UIMC1: variants seen among roughly 807,000 people sequenced by gnomAD.
UIMC1 encodes the protein ubiquitin interaction motif containing 1, also known as BRCA1-A complex subunit RAP80.
Under a neutral mutation model 84.9 loss-of-function variants are expected in UIMC1, and 42 were observed. The ratio of observed to expected loss-of-function variants is 0.49; its 90% CI spans 0.39 to 0.64. UIMC1 has a LOEUF of 0.64. Ranked by LOEUF, UIMC1 falls within the 30% of genes least tolerant of loss-of-function variation. The pLI, the probability that UIMC1 is intolerant of heterozygous loss-of-function variation, is 0.00. For synonymous variants in UIMC1, 281 were observed against 293.0 expected (o/e 0.96, Z 0.42); for missense variants, 825 against 847.6 (o/e 0.97, Z 0.33).
intron 9 of UIMC1, among the ~76,000 whole-genome samples, chr5:176,945,820 C>T (rs1438085585): frequency 6.6e-6 from 1 of 152,164 alleles, no homozygotes; most frequent in Non-Finnish European, 1.5e-5. Context: ...TTGTTTGTAA[C>T]CAGCTTTTGT....
upstream of UIMC1, among the ~76,000 whole-genome samples, chr5:177,011,233 T>A (rs571712957): frequency 4.0e-5 from 6 of 150,948 alleles, no homozygotes; most frequent in African/African-American, 1.5e-4. Flanking sequence ...ACCACTACTG[T>A]GTAATTAAAA....
At chr5:176,977,129 A>C (rs1040445006) in intron 2 of UIMC1, among the ~76,000 whole-genome samples, 3 of 151,718 alleles carry the variant, frequency 2.0e-5, no homozygotes, top group Admixed American at 1.3e-4. Context: ...AGACTGAGGC[A>C]TGAGAATCAC....
At chr5:177,002,322 C>G (rs531374639) in intron 1 of UIMC1, among the ~76,000 whole-genome samples, 3 of 151,932 alleles carry the variant, frequency 2.0e-5, no homozygotes, top group Non-Finnish European at 4.4e-5. Flanking sequence ...AAACAATTAA[C>G]CTCTGGTGAT....
chr5:176,924,811 C>T (rs1345609519), intron 10 of UIMC1, among the ~76,000 whole-genome samples: 3 of 151,974 alleles, frequency 2.0e-5, no homozygotes, highest in Admixed American at 1.3e-4. Flanking sequence ...GAGGCTGAGG[C>T]GGGTGGATCA....
At chr5:176,913,528 G>T (rs1372752895) in intron 10 of UIMC1, among the ~76,000 whole-genome samples, 1 of 152,184 alleles carries the variant, frequency 6.6e-6, no homozygotes, top group East Asian at 1.9e-4. Context: ...CTAGTAAAAA[G>T]AACAGAAGAA....
At chr5:176,929,314 AG>A (rs1441127341) in intron 10 of UIMC1, among the ~76,000 whole-genome samples, 1 of 151,984 alleles carries the variant, frequency 6.6e-6, no homozygotes, top group Non-Finnish European at 1.5e-5. Context: ...CTGTAATCCC[AG>A]CACTTTGGGA....
In UIMC1 at chr5:176,943,425, C is replaced by T; in HGVS notation, c.1507G>A (p.Val503Ile). Residue 503 changes from valine (V) to isoleucine (I), a missense_variant, in exon 10 of 15, where the codon GTA (valine) becomes ATA (isoleucine). By Grantham distance (29) the Val-to-Ile change is conservative. Coordinates refer to ENST00000511320, the MANE Select transcript of UIMC1 (RefSeq NM_001199298.2). ...AISTFSSSNQ[V>I]SCPLCDQCFP... Reference sequence around the variant, plus strand: ...CATTGGTCACATAGCGGGCAGGATACCTGGTTACTGGATGAGAAGGTAGAA... The same window carrying T: ...CATTGGTCACATAGCGGGCAGGATATCTGGTTACTGGATGAGAAGGTAGAA... 6.2e-7 allele frequency: 1 copy of T among 1,614,172 alleles called. No homozygotes were observed. The highest frequency in any genetic ancestry group is 8.5e-7 in the Non-Finnish European group (1 of 1,180,022).
intron 14 of UIMC1, 185 bp from the exon 15 acceptor site, chr5:176,905,677 T>C (rs191579340): frequency 1.5e-6 from 1 of 671,232 alleles, no homozygotes; most frequent in Admixed American, 3.1e-5. Context: ...CATATACTAC[T>C]TAAAGCTGGC....
At chr5:176,990,211 T>C (rs1581669115) in intron 1 of UIMC1, among the ~76,000 whole-genome samples, 1 of 147,524 alleles carries the variant, frequency 6.8e-6, no homozygotes, top group East Asian at 2.0e-4. Flanking sequence ...AAGAAAGAAA[T>C]GGGGACTTAG....
At chr5:177,004,751 G>A (rs536901606) in intron 1 of UIMC1, among the ~76,000 whole-genome samples, 1 of 152,248 alleles carries the variant, frequency 6.6e-6, no homozygotes, top group African/African-American at 2.4e-5. Flanking sequence ...CCATCGTCTT[G>A]ATCTATCTGA....
At chr5:176,935,340 T>C (rs1335847090) in intron 10 of UIMC1, among the ~76,000 whole-genome samples, 2 of 152,196 alleles carry the variant, frequency 1.3e-5, no homozygotes, top group African/African-American at 4.8e-5. Context: ...CCCTCCCCTC[T>C]CAATCTCTAA....
upstream of UIMC1, among the ~76,000 whole-genome samples, chr5:177,010,671 G>T (rs1459778397): frequency 1.3e-5 from 2 of 152,012 alleles, no homozygotes; most frequent in African/African-American, 4.8e-5. Context: ...ACAGGCGTGT[G>T]CCACTGCACC....
At chr5:176,994,053 A>G (rs1025095155) in intron 1 of UIMC1, among the ~76,000 whole-genome samples, 1 of 152,048 alleles carries the variant, frequency 6.6e-6, no homozygotes, top group Non-Finnish European at 1.5e-5. Context: ...CAAAGTGTGA[A>G]AAGGATGAAA....
rs1768456403 is a variant in UIMC1, at chr5:176,967,325, T to C, written c.1200+1230A>G. ...AAAGATGAAGAAATTCTTTATATAC[T>C]GTTATGTAATGATCTCATTAGGATA... On this transcript the variant is annotated intron_variant, in intron 6 of 14. Transcript: ENST00000511320. Among the ~76,000 whole-genome samples the C allele has an allele frequency of 5.3e-5, 8 of 151,934 alleles. No individual in the cohort carries two copies. In the South Asian group the frequency reaches 1.7e-3, roughly 32 times the overall value.
At chr5:176,985,750 G>A (rs1169401889) in intron 1 of UIMC1, among the ~76,000 whole-genome samples, 1 of 152,076 alleles carries the variant, frequency 6.6e-6, no homozygotes, top group African/African-American at 2.4e-5. Flanking sequence ...GACCACAGGG[G>A]TGTGCCAGCA....
At chr5:176,915,771 T>G (rs984156092) in intron 10 of UIMC1, among the ~76,000 whole-genome samples, 1 of 97,896 alleles carries the variant, frequency 1.0e-5, no homozygotes, top group South Asian at 3.0e-4. Flanking sequence ...AAGTATTAAG[T>G]AACCTGATCA....
intron 10 of UIMC1, among the ~76,000 whole-genome samples, chr5:176,918,565 C>T (rs1025928600): frequency 1.2e-4 from 18 of 152,166 alleles, no homozygotes; most frequent in African/African-American, 4.3e-4. Context: ...TCTAGCTGAG[C>T]CTATCATTAA....
At chr5:176,950,698 C>A (rs896789964) in intron 9 of UIMC1, among the ~76,000 whole-genome samples, 1 of 151,546 alleles carries the variant, frequency 6.6e-6, no homozygotes, top group South Asian at 2.1e-4. Context: ...GGTGAAACCC[C>A]GTCTCTACTA....
At chr5:176,971,481 ATT>A (rs987969499) in intron 3 of UIMC1, among the ~76,000 whole-genome samples, 36 of 152,378 alleles carry the variant, frequency 2.4e-4, no homozygotes, top group African/African-American at 8.2e-4. Context: ...CAAAGACTCT[ATT>A]AGACACTACT....
Sources: gnomAD v4.1 joint callset for allele counts (sites outside exome capture counted in the v4.1 genomes callset) on GRCh38, gnomAD v4.1.1 for gene constraint, MANE v1.5 for transcripts, NCBI Gene and HGNC (gene_info 2026-07-23, HGNC 2026-07-21) for gene names.